The following SPMIP2 variants were observed in gnomAD, a reference collection of about 807,000 sequenced individuals.
SPMIP2 encodes the protein protein SPMIP2.
At chr4:158,898,280 C>T in the SPMIP2 span, among the ~76,000 whole-genome samples, 1 of 152,162 alleles carries the variant, frequency 6.6e-6, no homozygotes, top group African/African-American at 2.4e-5. Context: ...ATGATGCCTC[C>T]AGCTTTGTTC....
chr4:158,941,578 G>A, the SPMIP2 span, among the ~76,000 whole-genome samples: 34 of 152,264 alleles, frequency 2.2e-4, no homozygotes, highest in East Asian at 4.6e-3. Flanking sequence ...AGGATTGTTT[G>A]AGCCCAGGAG....
the SPMIP2 span, among the ~76,000 whole-genome samples, chr4:158,931,447 C>G: frequency 1.2e-4 from 19 of 152,058 alleles, no homozygotes; most frequent in African/African-American, 3.9e-4. Context: ...AGTAGAGACG[C>G]GGTTTCATGA....
the SPMIP2 span, among the ~76,000 whole-genome samples, chr4:159,064,977 GT>G: frequency 6.6e-6 from 1 of 152,242 alleles, no homozygotes; most frequent in Non-Finnish European, 1.5e-5. Flanking sequence ...CTTTGCATTA[GT>G]AATGCATGCA....
At chr4:158,942,513 A>G in the SPMIP2 span, among the ~76,000 whole-genome samples, 2 of 152,218 alleles carry the variant, frequency 1.3e-5, no homozygotes, top group Non-Finnish European at 2.9e-5. Flanking sequence ...TCACACCTGT[A>G]ATCCCAGCAC....
the SPMIP2 span, chr4:159,007,712 T>G: frequency 5.9e-6 from 4 of 681,628 alleles, no homozygotes; most frequent in South Asian, 5.4e-5. Flanking sequence ...AGGCAGCCTA[T>G]GGGGAGCTCA....
the SPMIP2 span, among the ~76,000 whole-genome samples, chr4:158,985,312 T>C: frequency 0.99 from 133,607 of 135,230 alleles, 66,023 homozygotes; most frequent in East Asian, 1. Flanking sequence ...ATACCAAAGC[T>C]GGGCAGAGAC....
the SPMIP2 span, among the ~76,000 whole-genome samples, chr4:158,956,595 A>T: frequency 4.6e-5 from 7 of 152,204 alleles, no homozygotes; most frequent in African/African-American, 1.7e-4. Context: ...ATCCAAGTCC[A>T]GATCCAAACC....
At chr4:159,007,365 A>G in the SPMIP2 span, 1 of 681,634 alleles carries the variant, frequency 1.5e-6, no homozygotes, top group African/African-American at 1.8e-5. Context: ...ACAGATAAGC[A>G]GGAGATGAAA....
the SPMIP2 span, among the ~76,000 whole-genome samples, chr4:159,062,877 A>T: frequency 7.1e-6 from 1 of 140,988 alleles, no homozygotes; most frequent in Non-Finnish European, 1.5e-5. Flanking sequence ...TTTTTTGTAG[A>T]GGCAGGGTTT....
At chr4:158,917,424 A>T in the SPMIP2 span, among the ~76,000 whole-genome samples, 19 of 151,788 alleles carry the variant, frequency 1.3e-4, no homozygotes, top group African/African-American at 4.6e-4. Context: ...AGGGGGAAAA[A>T]AAAAAGGTCC....
At chr4:159,019,795 G>T in the SPMIP2 span, among the ~76,000 whole-genome samples, 1 of 152,302 alleles carries the variant, frequency 6.6e-6, no homozygotes, top group Admixed American at 6.5e-5. Context: ...AAAGGCAAAG[G>T]AAATGTACAA....
At chr4:158,895,364 C>T in the SPMIP2 span, among the ~76,000 whole-genome samples, 5 of 152,036 alleles carry the variant, frequency 3.3e-5, no homozygotes, top group East Asian at 7.7e-4. Flanking sequence ...TATGTGGTTA[C>T]GTGTAAATTC....
the SPMIP2 span, among the ~76,000 whole-genome samples, chr4:158,996,563 A>G: frequency 6.6e-6 from 1 of 152,188 alleles, no homozygotes; most frequent in Non-Finnish European, 1.5e-5. Context: ...TAAACAATTA[A>G]GGAAAATTAT....
chr4:159,067,925 G>A, the SPMIP2 span, among the ~76,000 whole-genome samples: 2 of 152,116 alleles, frequency 1.3e-5, no homozygotes, highest in Non-Finnish European at 2.9e-5. Context: ...CACCATCACT[G>A]GCCATCAGAG....
chr4:158,987,327 G>A, the SPMIP2 span, among the ~76,000 whole-genome samples: 1 of 152,116 alleles, frequency 6.6e-6, no homozygotes, highest in Non-Finnish European at 1.5e-5. Context: ...AAAGACACAT[G>A]CACACATATG....
the SPMIP2 span, among the ~76,000 whole-genome samples, chr4:158,981,778 C>T: frequency 9.5e-6 from 1 of 104,950 alleles, no homozygotes; most frequent in Non-Finnish European, 1.8e-5. Flanking sequence ...ACCATCAACA[C>T]TATGAAGAAA....
the SPMIP2 span, among the ~76,000 whole-genome samples, chr4:158,986,038 C>T: frequency 6.7e-6 from 1 of 149,958 alleles, no homozygotes; most frequent in South Asian, 2.2e-4. Flanking sequence ...TTCACAATTG[C>T]TTCAAAGAAA....
At chr4:158,910,679 AAAGT>A in the SPMIP2 span, among the ~76,000 whole-genome samples, 1 of 152,332 alleles carries the variant, frequency 6.6e-6, no homozygotes, top group Middle Eastern at 3.4e-3. Flanking sequence ...CAACCTGTTG[AAAGT>A]CTTAAGAGAA....
chr4:158,893,513 G>A, the SPMIP2 span: 32 of 545,750 alleles, frequency 5.9e-5, no homozygotes, highest in Middle Eastern at 1.2e-3. Flanking sequence ...AATATTAATG[G>A]TTGCAAAGAC....
Sources: gnomAD v4.1 joint callset for allele counts (sites outside exome capture counted in the v4.1 genomes callset) on GRCh38, gnomAD v4.1.1 for gene constraint, MANE v1.5 for transcripts, NCBI Gene and HGNC (gene_info 2026-07-23, HGNC 2026-07-21) for gene names.